The following MARCHF1 variants were observed in gnomAD, a reference collection of about 807,000 sequenced individuals.
The protein encoded by MARCHF1 is E3 ubiquitin-protein ligase MARCHF1.
Under a neutral mutation model 54.2 loss-of-function variants are expected in MARCHF1, and 40 were observed. That is an observed-to-expected ratio of 0.74 (90% confidence interval 0.57 to 0.96). The LOEUF is 0.96. Among genes scored for constraint, MARCHF1 ranks in the 40% least tolerant of loss-of-function variants. The pLI is 0.00. For synonymous variants in MARCHF1, 236 were observed against 236.3 expected, an observed-to-expected ratio of 1.00 and a Z score of 0.01; for missense variants, 586 against 656.5, an observed-to-expected ratio of 0.89 and a Z score of 1.17.
At chr4:163,947,141 C>T (rs951749451) in intron 3 of MARCHF1, among the ~76,000 whole-genome samples, 3 of 152,026 alleles carry the variant, frequency 2.0e-5, no homozygotes, top group Non-Finnish European at 4.4e-5. Flanking sequence ...AATTGTACTT[C>T]GTGGCAAATT....
intron 5 of MARCHF1, among the ~76,000 whole-genome samples, chr4:163,668,335 A>G (rs1743612945): frequency 6.6e-6 from 1 of 152,226 alleles, no homozygotes; most frequent in Non-Finnish European, 1.5e-5. Context: ...AGTAAGAAAG[A>G]CATAGTAAGT....
intron 1 of MARCHF1, chr4:164,189,780 T>G: frequency 6.7e-7 from 1 of 1,484,818 alleles, no homozygotes; most frequent in Non-Finnish European, 9.4e-7. Flanking sequence ...TGAGGATGAA[T>G]GACCCCTGAC....
chr4:163,708,055 T>C (rs923052396), intron 4 of MARCHF1, among the ~76,000 whole-genome samples: 1 of 151,814 alleles, frequency 6.6e-6, no homozygotes, highest in African/African-American at 2.4e-5. Context: ...TGTGTTTGCA[T>C]CATCCTAGAA....
In MARCHF1 at chr4:164,312,346, G is replaced by C. The variant is rs1475633869; in HGVS notation, c.-323+71524C>G. Among the ~76,000 whole-genome samples, 21 of 113,358 alleles carry C rather than the reference G, an allele frequency of 1.9e-4. No individual in the cohort carries two copies. The South Asian group carries it at 5.0e-3, about 27-fold the overall frequency. The allele number at this position is 113,358 out of a possible 152,430, so 74.4% of individuals were successfully genotyped here. On this transcript the variant is annotated intron_variant, in intron 1 of 9. Transcript: ENST00000514618. The stretch of plus-strand genomic sequence containing the variant: ...TTTTTTTTTTTTTTTTTTTTGAGAC[G>C]CAGTCTGGCTCTATCGCCCAGGCTG...
At chr4:164,076,311 G>A (rs895711514) in intron 2 of MARCHF1, among the ~76,000 whole-genome samples, 1 of 152,092 alleles carries the variant, frequency 6.6e-6, no homozygotes, top group Non-Finnish European at 1.5e-5. Flanking sequence ...GAATCAGATT[G>A]AAGAAAAGGC....
intron 1 of MARCHF1, among the ~76,000 whole-genome samples, chr4:164,254,077 T>C (rs1733198222): frequency 1.3e-5 from 2 of 152,140 alleles, no homozygotes; most frequent in African/African-American, 4.8e-5. Context: ...CTATCTTGAC[T>C]GCAGTGTTGA....
chr4:163,542,845 AG>A (rs1474199456), intron 9 of MARCHF1, among the ~76,000 whole-genome samples: 1 of 152,242 alleles, frequency 6.6e-6, no homozygotes, highest in Non-Finnish European at 1.5e-5. Context: ...ATCCTACTTC[AG>A]GGAGCTGTAA....
chr4:163,902,224 G>T (rs1750957657), intron 3 of MARCHF1, among the ~76,000 whole-genome samples: 1 of 152,134 alleles, frequency 6.6e-6, no homozygotes, highest in Admixed American at 6.5e-5. Context: ...TCCCACAGGG[G>T]TCTCTCAATT....
chr4:163,566,642 T>C (rs1373104743), intron 8 of MARCHF1, among the ~76,000 whole-genome samples: 1 of 152,172 alleles, frequency 6.6e-6, no homozygotes, highest in East Asian at 1.9e-4. Context: ...AGGTTTTATG[T>C]CTGGTGGAAG....
intron 4 of MARCHF1, among the ~76,000 whole-genome samples, chr4:163,784,818 G>C (rs764023711): frequency 2.0e-5 from 3 of 150,248 alleles, no homozygotes; most frequent in Non-Finnish European, 4.4e-5. Flanking sequence ...TTTAAGTGAA[G>C]GATTTTTCTA....
chr4:164,254,571 C>T (rs1036367886), intron 1 of MARCHF1, among the ~76,000 whole-genome samples: 1 of 151,774 alleles, frequency 6.6e-6, no homozygotes, highest in Non-Finnish European at 1.5e-5. Context: ...TAATATATAT[C>T]TATAAAGGGG....
intron 1 of MARCHF1, among the ~76,000 whole-genome samples, chr4:164,370,428 A>G (rs764758833): frequency 2.6e-5 from 4 of 152,196 alleles, no homozygotes; most frequent in Admixed American, 1.3e-4. Context: ...TAAGAGGCAG[A>G]GAGGGACCAG....
chr4:163,711,320 T>C (rs1745099699), intron 4 of MARCHF1, among the ~76,000 whole-genome samples: 2 of 152,194 alleles, frequency 1.3e-5, no homozygotes, highest in Non-Finnish European at 2.9e-5. Context: ...TTTTTTTCTG[T>C]TGGAAATCCC....
chr4:163,748,172 C>A (rs1434296380), intron 4 of MARCHF1, among the ~76,000 whole-genome samples: 1 of 152,176 alleles, frequency 6.6e-6, no homozygotes, highest in Non-Finnish European at 1.5e-5. Flanking sequence ...TATAGAACAG[C>A]TACCTTCAGC....
At chr4:163,987,316 T>G (rs1752887849) in intron 3 of MARCHF1, among the ~76,000 whole-genome samples, 4 of 152,186 alleles carry the variant, frequency 2.6e-5, no homozygotes, top group Non-Finnish European at 4.4e-5. Flanking sequence ...TTGCACTAAC[T>G]TAGAGAAATC....
At chr4:163,921,179 T>A (rs1751421997) in intron 3 of MARCHF1, among the ~76,000 whole-genome samples, 2 of 152,172 alleles carry the variant, frequency 1.3e-5, no homozygotes, top group African/African-American at 4.8e-5. Context: ...GATAGCCTGA[T>A]GGAAATGTTC....
At chr4:163,921,760 T>C (rs1280503115) in intron 3 of MARCHF1, among the ~76,000 whole-genome samples, 1 of 152,150 alleles carries the variant, frequency 6.6e-6, no homozygotes, top group Non-Finnish European at 1.5e-5. Context: ...TGAAAAAGTG[T>C]TGTTTCTTTT....
chr4:163,961,292 A>G (rs1251909825), intron 3 of MARCHF1, among the ~76,000 whole-genome samples: 4 of 151,950 alleles, frequency 2.6e-5, no homozygotes, highest in Admixed American at 2.6e-4. Flanking sequence ...CATGTAATAA[A>G]GGTGTTTGTG....
At chr4:164,352,183 C>T (rs1452767734) in intron 1 of MARCHF1, among the ~76,000 whole-genome samples, 2 of 123,974 alleles carry the variant, frequency 1.6e-5, no homozygotes, top group East Asian at 2.3e-4. Flanking sequence ...TTGGAAAACA[C>T]TCTGCAGGAT....
Sources: allele counts gnomAD v4.1 joint callset (sites outside exome capture counted in the v4.1 genomes callset), GRCh38; gene constraint gnomAD v4.1.1; transcripts MANE v1.5; gene names NCBI Gene and HGNC (gene_info 2026-07-23, HGNC 2026-07-21).